The following MMAA variants were observed in gnomAD, a reference collection of about 807,000 sequenced individuals.
The protein encoded by MMAA is metabolism of cobalamin associated A.
Under a neutral mutation model 45.0 loss-of-function variants are expected in MMAA, and 41 were observed. The ratio of observed to expected loss-of-function variants is 0.91; its 90% confidence interval spans 0.71 to 1.18. The LOEUF is 1.18. Among genes scored for constraint, MMAA ranks in the 50% most tolerant of loss-of-function variants. MMAA has a pLI of 0.00. For missense variants in MMAA, 460 were observed against 495.7 expected, an observed-to-expected ratio of 0.93 and a Z score of 0.68; for synonymous variants, 154 against 178.2, an observed-to-expected ratio of 0.86 and a Z score of 1.08.
intron 6 of MMAA, among the ~76,000 whole-genome samples, 187 bp downstream of exon 6, chr4:145,654,330 C>CA (rs1728171802): frequency 6.6e-6 from 1 of 152,026 alleles, no homozygotes; most frequent in African/African-American, 2.4e-5. Context: ...CACTAGATGT[C>CA]AAAAACTAGA....
At chr4:145,647,948 C>T (rs1473718891) in intron 4 of MMAA, among the ~76,000 whole-genome samples, 1 of 151,904 alleles carries the variant, frequency 6.6e-6, no homozygotes, top group Non-Finnish European at 1.5e-5. Context: ...CCTCCGCCTC[C>T]CGGGTTCACG....
chr4:145,624,238 G>C (rs768672293), intron 1 of MMAA: 2 of 808,368 alleles, frequency 2.5e-6, no homozygotes, highest in Non-Finnish European at 4.5e-6. Context: ...ATCACAAACT[G>C]CAGGGAGGCC....
chr4:145,638,489 A>G (rs1239129729), intron 1 of MMAA, among the ~76,000 whole-genome samples: 3 of 152,224 alleles, frequency 2.0e-5, no homozygotes, highest in Non-Finnish European at 2.9e-5. Context: ...GGCTCTGACT[A>G]TGCTTTGAGA....
In MMAA at chr4:145,624,857, A is replaced by G. The variant is rs903452234; in HGVS notation, c.-66+5450A>G. ...GGTCCTGATGGTTCTGGACAAGCCA[A>G]TCCTCTGTAACCATGCTGGGGGTGT... On this transcript the variant is annotated intron_variant, in intron 1 of 6. Transcript: ENST00000649156. 9 of 1,611,820 alleles carry G rather than the reference A, an allele frequency of 5.6e-6. No individual in the cohort carries two copies. The East Asian group carries it at 8.9e-5, about 16-fold the overall frequency.
chr4:145,623,294 A>G (rs1354906362), intron 1 of MMAA, among the ~76,000 whole-genome samples: 1 of 152,234 alleles, frequency 6.6e-6, no homozygotes, highest in Admixed American at 6.5e-5. Context: ...TCCCTATGAT[A>G]GTGAATGGTT....
At chr4:145,625,039 C>G in intron 1 of MMAA, 1 of 907,646 alleles carries the variant, frequency 1.1e-6, no homozygotes, top group East Asian at 2.4e-5. Flanking sequence ...AGAGCTCAAA[C>G]TTCTCACCGG....
intron 1 of MMAA, among the ~76,000 whole-genome samples, chr4:145,627,954 T>C (rs1351054123): frequency 6.6e-6 from 1 of 152,232 alleles, no homozygotes; most frequent in Non-Finnish European, 1.5e-5. Flanking sequence ...ACCTTGCACA[T>C]AATTCTTTTT....
chr4:145,634,369 C>T (rs1279111268), intron 1 of MMAA, among the ~76,000 whole-genome samples: 1 of 152,076 alleles, frequency 6.6e-6, no homozygotes, highest in African/African-American at 2.4e-5. Flanking sequence ...AGAGTGCTAC[C>T]AGACTACTGC....
In MMAA at chr4:145,657,084, A is replaced by G. The variant is rs2126631241; in HGVS notation, c.*1650A>G. 6.6e-6 allele frequency: 1 copy of G among 152,352 alleles called. No individual in the cohort carries two copies. Among genetic ancestry groups the G allele is most frequent in the Admixed American group, 6.5e-5 (1 of 15,304 alleles). The allele number at this position is 152,352 out of a possible 1,614,324, so 9.4% of individuals were successfully genotyped here. On this transcript the variant is annotated 3_prime_UTR_variant, in exon 7 of 7. Coordinates refer to ENST00000649156, the MANE Select transcript of MMAA (RefSeq NM_172250.3). ...TACAGGGAATAACAAATCTCCTGCC[A>G]CATGTGGCACAGTGTAAGTAATGCT...
At chr4:145,653,439 G>C (rs907364642) in intron 5 of MMAA, among the ~76,000 whole-genome samples, 9 of 151,684 alleles carry the variant, frequency 5.9e-5, no homozygotes, top group African/African-American at 2.2e-4. Flanking sequence ...GTTTGTCCAC[G>C]CAAAGCTGAA....
intron 4 of MMAA, among the ~76,000 whole-genome samples, chr4:145,647,288 A>G (rs1044640804): frequency 1.3e-5 from 2 of 152,376 alleles, no homozygotes; most frequent in South Asian, 2.1e-4. Context: ...GAGGAAAACA[A>G]TGAGTTCAGT....
chr4:145,637,486 G>A (rs563529831), intron 1 of MMAA, among the ~76,000 whole-genome samples: 1 of 143,572 alleles, frequency 7.0e-6, no homozygotes, highest in East Asian at 2.0e-4. Context: ...TGTTGTTTTT[G>A]GAAAACTGAT....
In MMAA at chr4:145,655,423, A is replaced by G; in HGVS notation, c.1246A>G (p.Ser416Gly). The G allele has an allele frequency of 6.2e-7, 1 of 1,610,712 alleles. No individual in the cohort carries two copies. Among genetic ancestry groups the G allele is most frequent in the South Asian group, 1.1e-5 (1 of 89,932 alleles). Reference sequence around the variant, plus strand: ...AGACTTCTTGTTAAAAGCTTTTAAAAGCAGAGACTAATAAAATTCATCCTG... The same window carrying G: ...AGACTTCTTGTTAAAAGCTTTTAAAGGCAGAGACTAATAAAATTCATCCTG... ...AADFLLKAFKSRD is the reference protein window; with the variant it reads ...AADFLLKAFKGRD Residue 416 changes from serine (S) to glycine (G), a missense_variant, in exon 7 of 7, where the codon AGC becomes GGC. Physicochemically the swap from Ser to Gly is moderately conservative, Grantham distance 56 (BLOSUM62 0). Transcript: ENST00000649156.
intron 6 of MMAA, 56 bp from the exon 7 acceptor site, chr4:145,655,091 T>A (rs941881535): frequency 1.0e-5 from 16 of 1,604,078 alleles, no homozygotes; most frequent in Non-Finnish European, 1.4e-5. Context: ...AGCGTCCCTG[T>A]AAAAATTTTT....
chr4:145,634,246 A>G (rs1351071269), intron 1 of MMAA, among the ~76,000 whole-genome samples: 2 of 152,178 alleles, frequency 1.3e-5, no homozygotes, highest in African/African-American at 2.4e-5. Flanking sequence ...GCTGTGTTCT[A>G]CTGTGGCTAA....
intron 1 of MMAA, chr4:145,626,066 T>A: frequency 1.1e-6 from 1 of 941,232 alleles, no homozygotes; most frequent in Non-Finnish European, 1.6e-6. Flanking sequence ...CCAGTGCCTC[T>A]CTGGGGCAGT....
At chr4:145,628,281 A>C (rs1734245822) in intron 1 of MMAA, among the ~76,000 whole-genome samples, 1 of 152,226 alleles carries the variant, frequency 6.6e-6, no homozygotes, top group Non-Finnish European at 1.5e-5. Flanking sequence ...AGCTCTGGTA[A>C]CAGATTACCA....
At chr4:145,644,528 C>T (rs114826526) in intron 3 of MMAA, among the ~76,000 whole-genome samples, 528 of 152,282 alleles carry the variant, frequency 3.5e-3, no homozygotes, top group Non-Finnish European at 5.4e-3. Flanking sequence ...CAGCAGTACA[C>T]CTACAAATGT....
chr4:145,620,398 T>C (rs1391376402), intron 1 of MMAA, among the ~76,000 whole-genome samples: 1 of 152,224 alleles, frequency 6.6e-6, no homozygotes, highest in African/African-American at 2.4e-5. Flanking sequence ...TGGTGAATGC[T>C]CGAAACATTT....
Sources: allele counts gnomAD v4.1 joint callset (sites outside exome capture counted in the v4.1 genomes callset), GRCh38; gene constraint gnomAD v4.1.1; transcripts MANE v1.5; gene names NCBI Gene and HGNC (gene_info 2026-07-23, HGNC 2026-07-21).